Variants in ERCC6 observed in about 807,000 individuals in gnomAD.
ERCC6 encodes DNA excision repair protein ERCC-6.
ERCC6 carries 116 observed loss-of-function variants against 158.7 expected under a neutral mutation model. The ratio of observed to expected loss-of-function variants is 0.73; its 90% CI spans 0.63 to 0.85. The LOEUF (loss-of-function observed/expected upper bound fraction) is 0.85, where lower values mean the gene tolerates loss of function less well. Among genes scored for constraint, ERCC6 ranks in the 40% least tolerant of loss-of-function variants. The pLI, the probability that ERCC6 is intolerant of heterozygous loss-of-function variation, is 0.00. For missense variants in ERCC6, 1,698 were observed against 1,799.4 expected, an observed-to-expected ratio of 0.94 and a Z score of 1.02; for synonymous variants, 678 against 659.3, an observed-to-expected ratio of 1.03 and a Z score of -0.43.
intron 7 of ERCC6, among the ~76,000 whole-genome samples, chr10:49,498,930 G>C (rs946603831): frequency 2.0e-5 from 3 of 152,196 alleles, no homozygotes; most frequent in African/African-American, 7.2e-5. Flanking sequence ...AAACCATTTG[G>C]AGGAGTTTGG....
intron 5 of ERCC6, among the ~76,000 whole-genome samples, chr10:49,519,909 A>T (rs1308672596): frequency 6.6e-6 from 1 of 152,130 alleles, no homozygotes; most frequent in Non-Finnish European, 1.5e-5. Flanking sequence ...CTGCTGCCTC[A>T]GACTCCCCAC....
chr10:49,486,381 G>A (rs1851078171), intron 8 of ERCC6, among the ~76,000 whole-genome samples: 1 of 152,066 alleles, frequency 6.6e-6, no homozygotes. Context: ...TGAAATCAAA[G>A]AGAGCAGTCA....
intron 2 of ERCC6, 133 bp from the exon 3 acceptor site, chr10:49,530,973 A>G: frequency 2.4e-6 from 3 of 1,272,406 alleles, no homozygotes; most frequent in Non-Finnish European, 3.2e-6. Context: ...AAACCAGAAT[A>G]CATACCCTTA....
At position 49,470,846 on chromosome 10, in the gene ERCC6, T is replaced by G; in HGVS notation, c.3114A>C (p.Arg1038Ser). The change falls in exon 18 of 21, where the codon AGA (arginine) becomes AGC (serine). Residue 1038 changes from arginine (R) to serine (S), a missense_variant. Coordinates refer to ENST00000355832, the MANE Select transcript of ERCC6 (RefSeq NM_000124.4). ...DVQTPKCHLK[R>S]RIQPAFGADH... Reference sequence around the variant, plus strand: ...CTGCTCCAAAGGCTGGTTGAATCCTTCTTTTTAGATGGCATTTGGGTGTCT... The same window carrying G: ...CTGCTCCAAAGGCTGGTTGAATCCTGCTTTTTAGATGGCATTTGGGTGTCT... 6.2e-7 allele frequency: 1 copy of G among 1,614,120 alleles called. No homozygotes were observed. The highest frequency in any genetic ancestry group is 8.5e-7 in the Non-Finnish European group (1 of 1,179,986).
At chr10:49,500,407 C>T (rs979875930) in intron 7 of ERCC6, 131 bp downstream of exon 7, 18 of 1,110,254 alleles carry the variant, frequency 1.6e-5, no homozygotes, top group African/African-American at 3.1e-5. Flanking sequence ...TGATGTCCCC[C>T]ACTAAAAGAA....
At chr10:49,514,754 C>A (rs1836897461) in intron 5 of ERCC6, among the ~76,000 whole-genome samples, 1 of 152,164 alleles carries the variant, frequency 6.6e-6, no homozygotes. Context: ...TATATTCAGG[C>A]ACCAAGCTGG....
chr10:49,476,753 C>T (rs1223078608), intron 11 of ERCC6, among the ~76,000 whole-genome samples: 3 of 152,102 alleles, frequency 2.0e-5, no homozygotes, highest in Admixed American at 6.5e-5. Flanking sequence ...TTGCCTTGGA[C>T]GGCAACCCTT....
the ERCC6 span, among the ~76,000 whole-genome samples, chr10:49,447,531 T>A: frequency 2.0e-5 from 3 of 151,690 alleles, no homozygotes; most frequent in East Asian, 3.9e-4. Context: ...ACTAAAAAAA[T>A]ACAAAAAAAA....
At chr10:49,480,098 A>G (rs1418979251) in intron 10 of ERCC6, among the ~76,000 whole-genome samples, 1 of 152,140 alleles carries the variant, frequency 6.6e-6, no homozygotes, top group Non-Finnish European at 1.5e-5. Flanking sequence ...GGCTCTTCTC[A>G]GTTCTCACAT....
chr10:49,455,124 T>A lies in ERCC6; in HGVS notation c.*3691A>T, dbSNP rs971564674. Among the ~76,000 whole-genome samples, 3 of 152,168 alleles carry A rather than the reference T, an allele frequency of 2.0e-5. No individual in the cohort carries two copies. Among genetic ancestry groups the A allele is most frequent in the Non-Finnish European group, 4.4e-5 (3 of 68,020 alleles). ...CAAAATAGATATGTGAATATGCTAA[T>A]TCTCCATATTTTTATGTAAGTTAAA... On this transcript the variant is annotated 3_prime_UTR_variant, in exon 21 of 21. Coordinates refer to ENST00000355832, the MANE Select transcript of ERCC6 (RefSeq NM_000124.4).
At chr10:49,508,695 C>T (rs1230190446) in intron 5 of ERCC6, among the ~76,000 whole-genome samples, 1 of 152,086 alleles carries the variant, frequency 6.6e-6, no homozygotes, top group Non-Finnish European at 1.5e-5. Context: ...AGAGCTCAGG[C>T]GAAGAGATTC....
the ERCC6 span, among the ~76,000 whole-genome samples, chr10:49,448,162 A>G: frequency 6.6e-6 from 1 of 152,210 alleles, no homozygotes; most frequent in Middle Eastern, 3.2e-3. Context: ...CCAGCAATGT[A>G]TAAAGGTTTG....
intron 4 of ERCC6, 36 bp from the exon 5 acceptor site, chr10:49,524,813 T>C (rs771141559): frequency 1.3e-6 from 2 of 1,598,462 alleles, no homozygotes; most frequent in Non-Finnish European, 1.7e-6. Flanking sequence ...CGCACTAGCA[T>C]GAAACTTTCC....
chr10:49,452,884 C>T (rs1260392711), downstream of ERCC6, among the ~76,000 whole-genome samples: 3 of 151,960 alleles, frequency 2.0e-5, no homozygotes, highest in African/African-American at 7.3e-5. Context: ...ATAGCCAGTC[C>T]AGCTTTCTTA....
At chr10:49,501,791 A>G (rs563773203) in intron 6 of ERCC6, 1 of 152,046 alleles carries the variant, frequency 6.6e-6, no homozygotes, top group African/African-American at 2.4e-5. Flanking sequence ...CCTCATCTCT[A>G]CAAGAAAAAA....
At position 49,537,816 on chromosome 10, in the gene ERCC6, G is replaced by A. The variant is rs373863437; in HGVS notation, c.-15+1146C>T. ...AGGCTCACTGCAACCTCCGCCTTCC[G>A]GGTTCAAGCGATTCTCCTGCCTTGG... On this transcript the variant is annotated intron_variant, in intron 1 of 20. Transcript: ENST00000355832. Among the ~76,000 whole-genome samples, 15 of 152,150 alleles carry A rather than the reference G, an allele frequency of 9.9e-5. No individual in the cohort carries two copies. The East Asian group carries it at 1.7e-3, about 18-fold the overall frequency.
intron 6 of ERCC6, chr10:49,505,581 T>C (rs1564432025): frequency 4.0e-6 from 1 of 251,726 alleles, no homozygotes; most frequent in Non-Finnish European, 7.5e-6. Flanking sequence ...TTAAAATTAC[T>C]AAGAACAAAA....
At chr10:49,521,871 T>C (rs1224026620) in intron 5 of ERCC6, among the ~76,000 whole-genome samples, 3 of 152,120 alleles carry the variant, frequency 2.0e-5, no homozygotes, top group East Asian at 3.9e-4. Flanking sequence ...AAATTCCTAG[T>C]AAGTATCAGC....
chr10:49,500,845 A>G (rs1851344855), intron 6 of ERCC6, 149 bp from the exon 7 acceptor site: 6 of 800,030 alleles, frequency 7.5e-6, no homozygotes, highest in East Asian at 5.3e-5. Flanking sequence ...CATGAGTATT[A>G]TATTTATAAG....
Sources: gnomAD v4.1 joint callset for allele counts (sites outside exome capture counted in the v4.1 genomes callset) on GRCh38, gnomAD v4.1.1 for gene constraint, MANE v1.5 for transcripts, NCBI Gene and HGNC (gene_info 2026-07-23, HGNC 2026-07-21) for gene names.